KCTD5: variants seen among roughly 807,000 people sequenced by gnomAD.
The protein encoded by KCTD5 is BTB/POZ domain-containing protein KCTD5.
In KCTD5, 12 loss-of-function variants were observed where a neutral mutation model predicts 27.9. That is an observed-to-expected ratio of 0.43 (90% CI 0.28 to 0.70). The LOEUF (loss-of-function observed/expected upper bound fraction) is 0.70, where lower values mean the gene tolerates loss of function less well. Ranked by LOEUF, KCTD5 falls within the 30% of genes least tolerant of loss-of-function variation. The pLI, the probability that KCTD5 is intolerant of heterozygous loss-of-function variation, is 0.19. For synonymous variants in KCTD5, 147 were observed against 121.4 expected, an observed-to-expected ratio of 1.21 and a Z score of -1.39; for missense variants, 226 against 274.8, an observed-to-expected ratio of 0.82 and a Z score of 1.26.
At chr16:2,684,959 A>G (rs2067534346) in intron 1 of KCTD5, among the ~76,000 whole-genome samples, 1 of 152,090 alleles carries the variant, frequency 6.6e-6, no homozygotes, top group African/African-American at 2.4e-5. Flanking sequence ...AAAATGCTTT[A>G]CTGTAGGAAT....
At chr16:2,704,511 C>T (rs2067626327) in intron 5 of KCTD5, among the ~76,000 whole-genome samples, 1 of 152,190 alleles carries the variant, frequency 6.6e-6, no homozygotes, top group Admixed American at 6.5e-5. Context: ...CAAGAACTTG[C>T]TAGAAGGACT....
rs1381416298 is a variant in KCTD5 at position 2,708,406 on chromosome 16, T to A, written c.*1079T>A. 1 of 152,670 alleles carries A rather than the reference T, an allele frequency of 6.6e-6. No homozygotes were observed. The highest frequency in any genetic ancestry group is 1.5e-5 in the Non-Finnish European group (1 of 68,058). The allele number at this position is 152,670 out of a possible 1,614,324, so 9.5% of individuals were successfully genotyped here. ...ATTCCTTTAGAAACCGCTGCCCGCA[T>A]GCTTTGAAAACAGACCTTTCTCAGC... is the stretch of plus-strand genomic sequence containing the variant. On this transcript the variant is annotated 3_prime_UTR_variant, in exon 6 of 6. Coordinates refer to ENST00000301738, the MANE Select transcript of KCTD5 (RefSeq NM_018992.4).
intron 5 of KCTD5, among the ~76,000 whole-genome samples, chr16:2,704,710 A>G (rs1346781410): frequency 1.3e-5 from 2 of 152,166 alleles, no homozygotes; most frequent in African/African-American, 4.8e-5. Context: ...CGATGGGTGC[A>G]TCCACCGCCT....
intron 2 of KCTD5, 46 bp from the exon 3 acceptor site, chr16:2,697,860 G>C: frequency 7.4e-7 from 1 of 1,358,450 alleles, no homozygotes; most frequent in South Asian, 1.2e-5. Context: ...TGGATTCTTT[G>C]GTTTAGTTTG....
At chr16:2,697,231 C>G (rs1240105439) in intron 2 of KCTD5, 1 of 152,530 alleles carries the variant, frequency 6.6e-6, no homozygotes, top group South Asian at 2.1e-4. Context: ...CTCTGGGGTC[C>G]TGGAGGAATG....
Position 2,707,433 on chromosome 16 carries a change from T to G in KCTD5, c.*106T>G, listed in dbSNP as rs1433767363. On this transcript the variant is annotated 3_prime_UTR_variant, in exon 6 of 6. Coordinates refer to ENST00000301738, the MANE Select transcript of KCTD5 (RefSeq NM_018992.4). ...GTGAGAAGAAACCTGCTTTTGATCA[T>G]TTTTCTAGAGATCTGGGTGTGAATC... 8.5e-7 allele frequency: 1 copy of G among 1,181,794 alleles called. No individual in the cohort carries two copies. The allele number at this position is 1,181,794 out of a possible 1,614,324, so 73.2% of individuals were successfully genotyped here.
intron 4 of KCTD5, 88 bp downstream of exon 4, chr16:2,700,004 CA>C: frequency 8.0e-7 from 1 of 1,243,090 alleles, no homozygotes; most frequent in Non-Finnish European, 1.2e-6. Context: ...CCTGGAAATG[CA>C]GACTTTGCTG....
chr16:2,703,747 C>A (rs1039001320), intron 5 of KCTD5, among the ~76,000 whole-genome samples: 1 of 152,214 alleles, frequency 6.6e-6, no homozygotes, highest in African/African-American at 2.4e-5. Flanking sequence ...CAGTCCTGCT[C>A]CACTGCCGTT....
chr16:2,687,890 C>T (rs1596220109), intron 1 of KCTD5, among the ~76,000 whole-genome samples: 1 of 152,126 alleles, frequency 6.6e-6, no homozygotes, highest in South Asian at 2.1e-4. Flanking sequence ...TCTCCCTGGG[C>T]GTCAACTCGG....
intron 1 of KCTD5, among the ~76,000 whole-genome samples, chr16:2,687,077 C>T (rs1339837871): frequency 1.3e-5 from 2 of 152,216 alleles, no homozygotes; most frequent in Non-Finnish European, 2.9e-5. Flanking sequence ...CCCTGCGGTG[C>T]TGGGGGCTCC....
chr16:2,697,688 G>A (rs192547269), intron 2 of KCTD5, among the ~76,000 whole-genome samples: 187 of 152,334 alleles, frequency 1.2e-3, no homozygotes, highest in East Asian at 6.4e-3. Flanking sequence ...TCCACACATC[G>A]GCCCTCTCAC....
chr16:2,700,276 A>G lies in KCTD5; in HGVS notation c.549+360A>G, dbSNP rs547792615. On this transcript the variant is annotated intron_variant, in intron 4 of 5. Transcript: ENST00000301738. ...ATCCAGCGCAATCCCCGTCCCCCAC[A>G]GCTCACTCCATCGGAGCATATGGAG... Among the ~76,000 whole-genome samples the G allele has an allele frequency of 3.3e-3, 496 of 152,302 alleles. 6 individuals carry two copies. Among genetic ancestry groups the G allele is most frequent in the Non-Finnish European group, 4.9e-3 (330 of 67,998 alleles).
chr16:2,682,601 C>A lies in KCTD5; in HGVS notation c.53C>A (p.Ala18Glu). 1 of 1,461,340 alleles carries A rather than the reference C, an allele frequency of 6.8e-7. No homozygotes were observed. The allele number at this position is 1,461,340 out of a possible 1,614,324, so 90.5% of individuals were successfully genotyped here. ...TCGCCGGCCCGGGGCGGCATCGGGG[C>A]GGGGCTGGGGGGCGGCCTGTGCCGC... ...LLSPARGGIG[A>E]GLGGGLCRRC... is the part of the protein sequence containing the mutation. Residue 18 changes from alanine to glutamate, a missense_variant, in exon 1 of 6, where the codon GCG (alanine) becomes GAG (glutamate). Transcript: ENST00000301738.
chr16:2,699,425 C>T (rs2067601576), intron 3 of KCTD5: 2 of 359,142 alleles, frequency 5.6e-6, no homozygotes, highest in South Asian at 2.1e-5. Context: ...TGGGAGCGAG[C>T]TTCGTCTGGC....
At chr16:2,704,340 T>C (rs1490279488) in intron 5 of KCTD5, among the ~76,000 whole-genome samples, 1 of 152,050 alleles carries the variant, frequency 6.6e-6, no homozygotes, top group South Asian at 2.1e-4. Context: ...CCCTCGTCGC[T>C]GGTGTCCCTG....
At chr16:2,697,779 A>G in intron 2 of KCTD5, 127 bp from the exon 3 acceptor site, 1 of 679,542 alleles carries the variant, frequency 1.5e-6, no homozygotes, top group Non-Finnish European at 2.6e-6. Context: ...GGGCCTGAGC[A>G]GCTCCCGCTG....
chr16:2,693,274 C>T (rs1048213663), intron 1 of KCTD5, among the ~76,000 whole-genome samples: 3 of 152,244 alleles, frequency 2.0e-5, no homozygotes, highest in Non-Finnish European at 4.4e-5. Flanking sequence ...CCTCCCTGTT[C>T]CCTCCCTGCA....
intron 1 of KCTD5, among the ~76,000 whole-genome samples, chr16:2,688,192 G>C (rs866099420): frequency 1.3e-5 from 2 of 148,660 alleles, no homozygotes. Context: ...TTTCATGTTT[G>C]TACTTGGTTT....
rs768135825 is a variant in KCTD5 at position 2,682,579 on chromosome 16, C to A, written c.31C>A (p.Pro11Thr). 4 of 1,415,610 alleles carry A rather than the reference C, an allele frequency of 2.8e-6. No individual in the cohort carries two copies. The highest frequency in any genetic ancestry group is 3.0e-5 in the Admixed American group (1 of 32,932). 87.7% of individuals were successfully genotyped at this position (1,415,610 alleles called of 1,614,324 possible). The change falls in exon 1 of 6, where the codon CCG (proline) becomes ACG (threonine). Residue 11 changes from proline to threonine, a missense_variant. This residue lies in a region of KCTD5 where 91 missense variants were observed against 67.8 expected (regional missense o/e 1.34). Transcript: ENST00000301738. MAENHCELLS[P>T]ARGGIGAGLG... ...GGAGAATCACTGCGAGCTCCTGTCG[C>A]CGGCCCGGGGCGGCATCGGGGCGGG... is the stretch of plus-strand genomic sequence containing the variant.
Sources: gnomAD v4.1 joint callset for allele counts (sites outside exome capture counted in the v4.1 genomes callset) on GRCh38, gnomAD v4.1.1 for gene constraint, gnomAD v4.1.1 regional missense constraint, MANE v1.5 for transcripts, NCBI Gene and HGNC (gene_info 2026-07-23, HGNC 2026-07-21) for gene names.